The following DAPK1 variants were observed in gnomAD, a reference collection of about 807,000 sequenced individuals.
The protein encoded by DAPK1 is death associated protein kinase 1.
Under a neutral mutation model 144.9 loss-of-function variants are expected in DAPK1, and 56 were observed. The observed-to-expected ratio is 0.39, with a 90% CI of 0.31 to 0.48. DAPK1 has a LOEUF of 0.48. DAPK1 is among the 20% of genes least tolerant of loss of function. The pLI is 0.95. For missense variants in DAPK1, 1,454 were observed against 1,875.4 expected (o/e 0.78, Z 4.15); for synonymous variants, 690 against 749.0 (o/e 0.92, Z 1.29).
intron 18 of DAPK1, among the ~76,000 whole-genome samples, chr9:87,666,307 G>A (rs937288018): frequency 2.0e-5 from 3 of 152,144 alleles, no homozygotes; most frequent in Admixed American, 1.3e-4. Context: ...GGTGGGTTCA[G>A]GACTTCAAAC....
At chr9:87,592,705 C>G (rs1050214938) in intron 2 of DAPK1, among the ~76,000 whole-genome samples, 2 of 152,116 alleles carry the variant, frequency 1.3e-5, no homozygotes, top group African/African-American at 4.8e-5. Context: ...GGGGTGAGGT[C>G]AGCCTCGTGG....
intron 2 of DAPK1, chr9:87,554,234 T>G (rs1195473130): frequency 2.0e-5 from 3 of 152,222 alleles, no homozygotes; most frequent in African/African-American, 7.2e-5. Context: ...ATTTTGCCAT[T>G]AGTAATCTCT....
intron 2 of DAPK1, among the ~76,000 whole-genome samples, chr9:87,525,772 G>A (rs1825485370): frequency 1.3e-5 from 2 of 152,148 alleles, no homozygotes; most frequent in Admixed American, 6.5e-5. Context: ...TGGGGCAGGT[G>A]CTGAATGTCT....
chr9:87,582,206 G>A (rs951347886), intron 2 of DAPK1, among the ~76,000 whole-genome samples: 1 of 152,074 alleles, frequency 6.6e-6, no homozygotes, highest in Non-Finnish European at 1.5e-5. Context: ...TGAAAGAGTT[G>A]CTAGAATTTT....
At chr9:87,696,922 C>G in intron 21 of DAPK1, 85 bp from the exon 22 acceptor site, 1 of 792,208 alleles carries the variant, frequency 1.3e-6, no homozygotes, top group Non-Finnish European at 2.3e-6. Context: ...ATGCCTACTT[C>G]GAATCCGTGG....
intron 2 of DAPK1, among the ~76,000 whole-genome samples, chr9:87,577,627 G>A (rs1391087303): frequency 3.3e-5 from 5 of 152,046 alleles, no homozygotes; most frequent in African/African-American, 1.2e-4. Context: ...GTGAAACCCC[G>A]TCTCTACTAA....
At chr9:87,642,206 C>T in intron 10 of DAPK1, 148 bp downstream of exon 10, 1 of 527,372 alleles carries the variant, frequency 1.9e-6, no homozygotes, top group Non-Finnish European at 3.3e-6. Context: ...TGCACCATTA[C>T]TCTATTTTGA....
chr9:87,548,451 G>A (rs1307383442), intron 2 of DAPK1, among the ~76,000 whole-genome samples: 1 of 152,032 alleles, frequency 6.6e-6, no homozygotes, highest in Admixed American at 6.6e-5. Flanking sequence ...TCCTGTTCCT[G>A]GGTCTGTTCT....
intron 2 of DAPK1, among the ~76,000 whole-genome samples, chr9:87,590,240 C>T (rs575304688): frequency 8.2e-4 from 125 of 152,054 alleles, no homozygotes; most frequent in Non-Finnish European, 1.4e-3. Context: ...CTTACTCAGA[C>T]GTGGAGACTC....
rs372427983 is a variant in DAPK1, at chr9:87,639,346, T to C, written c.424-8T>C. 8.4e-5 allele frequency: 133 copies of C among 1,589,544 alleles called. No individual in the cohort carries two copies. The highest frequency in any genetic ancestry group is 1.0e-4 in the Non-Finnish European group (121 of 1,172,996). ...TAGCTTTTTATTTATCTCTCTCTTT[T>C]TTTCAAGCCTGAGAACATAATGCTT... On this transcript the variant is annotated splice_polypyrimidine_tract_variant and splice_region_variant and intron_variant, in intron 4 of 25. Transcript: ENST00000408954.
intron 3 of DAPK1, among the ~76,000 whole-genome samples, chr9:87,628,375 G>A (rs1046308793): frequency 6.6e-6 from 1 of 152,172 alleles, no homozygotes; most frequent in Non-Finnish European, 1.5e-5. Flanking sequence ...GGGAAACAGA[G>A]CATAGAAGCA....
chr9:87,575,803 A>G (rs1827535745), intron 2 of DAPK1, among the ~76,000 whole-genome samples: 1 of 152,180 alleles, frequency 6.6e-6, no homozygotes, highest in Non-Finnish European at 1.5e-5. Flanking sequence ...TGGTGGAAAA[A>G]TAGGAATAAT....
At chr9:87,510,252 C>T (rs1025987580) in intron 2 of DAPK1, among the ~76,000 whole-genome samples, 1 of 152,180 alleles carries the variant, frequency 6.6e-6, no homozygotes, top group East Asian at 1.9e-4. Flanking sequence ...CAGGAAGTCC[C>T]TTGGTTTTGT....
intron 3 of DAPK1, among the ~76,000 whole-genome samples, chr9:87,635,191 A>G (rs1294298254): frequency 1.3e-5 from 2 of 151,948 alleles, no homozygotes; most frequent in African/African-American, 4.8e-5. Context: ...CTGGCCAGAG[A>G]AGAGCGGGCA....
At chr9:87,663,420 G>A (rs774004989) in intron 18 of DAPK1, among the ~76,000 whole-genome samples, 18 of 151,756 alleles carry the variant, frequency 1.2e-4, no homozygotes, top group Non-Finnish European at 2.5e-4. Context: ...CTCCGCTCCC[G>A]CCCACTGTGA....
At chr9:87,523,639 T>G (rs558615902) in intron 2 of DAPK1, among the ~76,000 whole-genome samples, 10 of 152,326 alleles carry the variant, frequency 6.6e-5, no homozygotes, top group African/African-American at 2.4e-4. Flanking sequence ...TCATAATTTC[T>G]TCTAGTACTT....
At chr9:87,636,206 G>A (rs552192109) in intron 3 of DAPK1, among the ~76,000 whole-genome samples, 2 of 152,276 alleles carry the variant, frequency 1.3e-5, no homozygotes, top group African/African-American at 4.8e-5. Flanking sequence ...CACTGCTGAG[G>A]CAGGGTCCAT....
intron 25 of DAPK1, 30 bp downstream of exon 25, chr9:87,703,247 C>G (rs372767000): frequency 7.2e-7 from 1 of 1,390,210 alleles, no homozygotes; most frequent in Non-Finnish European, 1.0e-6. Flanking sequence ...GGCAGGGGGC[C>G]GTGAGAGGTG....
chr9:87,513,345 A>G (rs1824922454), intron 2 of DAPK1, among the ~76,000 whole-genome samples: 1 of 152,178 alleles, frequency 6.6e-6, no homozygotes, highest in South Asian at 2.1e-4. Context: ...AGGAAGTGAG[A>G]TGAAGCATGG....
Sources: gnomAD v4.1 joint callset for allele counts (sites outside exome capture counted in the v4.1 genomes callset) on GRCh38, gnomAD v4.1.1 for gene constraint, MANE v1.5 for transcripts, NCBI Gene and HGNC (gene_info 2026-07-23, HGNC 2026-07-21) for gene names.